FHIT: variants seen among roughly 807,000 people sequenced by gnomAD.
FHIT encodes bis(5'-adenosyl)-triphosphatase.
In FHIT, 19 loss-of-function variants were observed where a neutral mutation model predicts 17.9. The observed-to-expected ratio is 1.06, with a 90% CI of 0.74 to 1.56. The LOEUF is 1.56. Ranked by LOEUF, FHIT falls within the 40% of genes most tolerant of loss-of-function variation. The pLI, the probability that FHIT is intolerant of heterozygous loss-of-function variation, is 0.00. For missense variants in FHIT, 248 were observed against 189.2 expected, an observed-to-expected ratio of 1.31 and a Z score of -1.82; for synonymous variants, 81 against 69.7, an observed-to-expected ratio of 1.16 and a Z score of -0.81.
rs187468525 is a variant in FHIT at position 61,128,287 on chromosome 3, T to A, written c.-164+72330A>T. 2.5e-3 allele frequency among the ~76,000 whole-genome samples: 388 copies of A among 152,330 alleles called. 2 individuals carry two copies. Among genetic ancestry groups the A allele is most frequent in the Non-Finnish European group, 4.4e-3 (302 of 68,028 alleles). On this transcript the variant is annotated intron_variant, in intron 2 of 9. Coordinates refer to ENST00000492590, the MANE Select transcript of FHIT (RefSeq NM_002012.4). ...GGGAATAAATGAAAAACCTACAACTTTGATGACTTATTGTAGGACCAGGCA... is the reference window on the plus strand; with the variant it reads ...GGGAATAAATGAAAAACCTACAACTATGATGACTTATTGTAGGACCAGGCA...
At chr3:59,780,227 AC>A (rs1462752206) in intron 8 of FHIT, among the ~76,000 whole-genome samples, 2 of 152,198 alleles carry the variant, frequency 1.3e-5, no homozygotes, top group African/African-American at 2.4e-5. Flanking sequence ...GTGAGAACTC[AC>A]CAAGACACAC....
chr3:60,866,822 C>G (rs781831720), intron 3 of FHIT, among the ~76,000 whole-genome samples: 1 of 152,190 alleles, frequency 6.6e-6, no homozygotes, highest in African/African-American at 2.4e-5. Flanking sequence ...GATTCTTGCA[C>G]ACAAGCACCA....
At chr3:60,716,793 C>T (rs1553706921) in intron 4 of FHIT, among the ~76,000 whole-genome samples, 4 of 152,172 alleles carry the variant, frequency 2.6e-5, no homozygotes, top group Admixed American at 1.3e-4. Context: ...ACCACAAGCA[C>T]GTGAGTAATT....
intron 8 of FHIT, among the ~76,000 whole-genome samples, chr3:59,793,206 C>G (rs562966572): frequency 9.2e-5 from 14 of 152,186 alleles, no homozygotes; most frequent in African/African-American, 3.4e-4. Flanking sequence ...AATTTCAGAC[C>G]CTGTCTGAGG....
chr3:60,379,509 G>C (rs549971172), intron 5 of FHIT, among the ~76,000 whole-genome samples: 1 of 152,158 alleles, frequency 6.6e-6, no homozygotes, highest in Non-Finnish European at 1.5e-5. Flanking sequence ...TGTTTAAGAA[G>C]TTAGAGATAG....
chr3:60,699,167 G>A (rs2041182128), intron 4 of FHIT, among the ~76,000 whole-genome samples: 1 of 152,086 alleles, frequency 6.6e-6, no homozygotes, highest in Non-Finnish European at 1.5e-5. Flanking sequence ...CTACTTATGA[G>A]TACATAGATT....
At chr3:60,611,213 T>C (rs2107732400) in intron 4 of FHIT, among the ~76,000 whole-genome samples, 1 of 152,310 alleles carries the variant, frequency 6.6e-6, no homozygotes, top group Non-Finnish European at 1.5e-5. Context: ...GCTAGAAACC[T>C]GGAACACAAC....
intron 5 of FHIT, among the ~76,000 whole-genome samples, chr3:60,465,248 G>C (rs2032720172): frequency 6.6e-6 from 1 of 151,606 alleles, no homozygotes; most frequent in Non-Finnish European, 1.5e-5. Context: ...AATTGTTTGA[G>C]CTCCTTATAT....
chr3:60,449,761 T>C (rs932999752), intron 5 of FHIT, among the ~76,000 whole-genome samples: 15 of 151,794 alleles, frequency 9.9e-5, no homozygotes, highest in African/African-American at 3.4e-4. Flanking sequence ...TCCCAGCACT[T>C]TGGGAGGCCG....
At chr3:59,887,452 GC>G (rs35917078) in intron 8 of FHIT, among the ~76,000 whole-genome samples, 1 of 151,986 alleles carries the variant, frequency 6.6e-6, no homozygotes, top group Non-Finnish European at 1.5e-5. Context: ...TGCAAATACA[GC>G]CCCCTCTGGC....
intron 8 of FHIT, among the ~76,000 whole-genome samples, chr3:59,790,648 T>C (rs1224104046): frequency 6.6e-6 from 1 of 152,172 alleles, no homozygotes; most frequent in Non-Finnish European, 1.5e-5. Flanking sequence ...AACACAGGCA[T>C]CAGTGTGCTG....
intron 3 of FHIT, among the ~76,000 whole-genome samples, chr3:61,013,633 G>C (rs1252096319): frequency 6.6e-6 from 1 of 152,060 alleles, no homozygotes; most frequent in Non-Finnish European, 1.5e-5. Context: ...AGAAGGGAGA[G>C]AGAAAAAAGA....
intron 5 of FHIT, among the ~76,000 whole-genome samples, chr3:60,413,427 G>A (rs373748364): frequency 5.3e-5 from 8 of 152,160 alleles, no homozygotes; most frequent in African/African-American, 1.9e-4. Flanking sequence ...AAGTAGCTCA[G>A]AACATAGGAG....
At chr3:59,793,288 G>C (rs1354565030) in intron 8 of FHIT, among the ~76,000 whole-genome samples, 1 of 152,120 alleles carries the variant, frequency 6.6e-6, no homozygotes, top group Non-Finnish European at 1.5e-5. Flanking sequence ...GAAATTTTCA[G>C]GCCAAATAAT....
intron 3 of FHIT, among the ~76,000 whole-genome samples, chr3:61,001,483 G>A (rs946660081): frequency 6.6e-6 from 1 of 152,248 alleles, no homozygotes; most frequent in East Asian, 1.9e-4. Flanking sequence ...CAATACAAAG[G>A]AATGAACTAT....
chr3:60,463,395 A>T (rs1021859449), intron 5 of FHIT, among the ~76,000 whole-genome samples: 3 of 152,202 alleles, frequency 2.0e-5, no homozygotes, highest in Non-Finnish European at 2.9e-5. Flanking sequence ...TGCATTTAGA[A>T]GGATTTAATC....
At chr3:59,793,045 G>A (rs187610180) in intron 8 of FHIT, among the ~76,000 whole-genome samples, 76 of 152,210 alleles carry the variant, frequency 5.0e-4, no homozygotes, top group Admixed American at 8.5e-4. Context: ...GTCAGGGAGT[G>A]TATCTGCCCA....
intron 3 of FHIT, among the ~76,000 whole-genome samples, chr3:60,903,516 GCAAA>G (rs1220144844): frequency 6.6e-6 from 1 of 152,180 alleles, no homozygotes; most frequent in Non-Finnish European, 1.5e-5. Context: ...AAGGCATGAA[GCAAA>G]CACTTTGGAA....
intron 5 of FHIT, among the ~76,000 whole-genome samples, chr3:60,446,435 T>G (rs1576668616): frequency 6.6e-6 from 1 of 152,138 alleles, no homozygotes; most frequent in Admixed American, 6.6e-5. Flanking sequence ...CTGGTTAGTG[T>G]TTTGAAAGAT....
Sources: gnomAD v4.1 joint callset for allele counts (sites outside exome capture counted in the v4.1 genomes callset) on GRCh38, gnomAD v4.1.1 for gene constraint, MANE v1.5 for transcripts, NCBI Gene and HGNC (gene_info 2026-07-23, HGNC 2026-07-21) for gene names.